Variants in MYO1H observed in about 807,000 individuals in gnomAD.
MYO1H encodes the protein myosin IH.
A neutral mutation model predicts 149.3 loss-of-function variants in MYO1H; 118 were observed. That is an observed-to-expected ratio of 0.79 (90% confidence interval 0.68 to 0.92). The LOEUF (loss-of-function observed/expected upper bound fraction) is 0.92, where lower values mean the gene tolerates loss of function less well. Ranked by LOEUF, MYO1H falls within the 40% of genes least tolerant of loss-of-function variation. The pLI is 0.00. For synonymous variants in MYO1H, 447 were observed against 465.2 expected, an observed-to-expected ratio of 0.96 and a Z score of 0.50; for missense variants, 1,212 against 1,280.7, an observed-to-expected ratio of 0.95 and a Z score of 0.82.
intron 5 of MYO1H, among the ~76,000 whole-genome samples, chr12:109,400,763 A>C (rs1309709049): frequency 6.6e-6 from 1 of 152,200 alleles, no homozygotes; most frequent in Non-Finnish European, 1.5e-5. Flanking sequence ...GGCACAGATC[A>C]ACTGGATATC....
chr12:109,317,654 CTG>C, the MYO1H span, among the ~76,000 whole-genome samples: 1 of 152,184 alleles, frequency 6.6e-6, no homozygotes, highest in African/African-American at 2.4e-5. Context: ...ACCTGAATGT[CTG>C]TGTCTGGCTG....
At chr12:109,368,430 C>T (rs1391189652) in intron 1 of MYO1H, among the ~76,000 whole-genome samples, 3 of 152,082 alleles carry the variant, frequency 2.0e-5, no homozygotes, top group East Asian at 3.9e-4. Flanking sequence ...CCGAGGCAGG[C>T]GGATCACCTG....
At chr12:109,410,807 G>T in intron 13 of MYO1H, 39 bp downstream of exon 13, 1 of 1,331,318 alleles carries the variant, frequency 7.5e-7, no homozygotes, top group East Asian at 2.4e-5. Flanking sequence ...TATTCACCCG[G>T]CACTTACAAC....
In MYO1H at chr12:109,443,240, A is replaced by G. The variant is rs576998228; in HGVS notation, c.2689-274A>G. On this transcript the variant is annotated intron_variant, in intron 27 of 31. Coordinates refer to ENST00000310903, the Ensembl canonical transcript of MYO1H. ...TATATGTGTGTGTATATGTGTACGT[A>G]TATGTGTGTGTATATGTGTACGTAT... Among the ~76,000 whole-genome samples, 383 of 65,930 alleles carry G rather than the reference A, an allele frequency of 5.8e-3. 24 individuals are homozygous for G. Among genetic ancestry groups the G allele is most frequent in the Non-Finnish European group, 8.3e-3 (265 of 31,770 alleles). 43.3% of individuals were successfully genotyped at this position (65,930 alleles called of 152,430 possible).
the MYO1H span, among the ~76,000 whole-genome samples, chr12:109,331,701 A>T: frequency 6.6e-6 from 1 of 152,312 alleles, no homozygotes; most frequent in Non-Finnish European, 1.5e-5. Context: ...ATGTGAGAAG[A>T]TGGATGGGGC....
the MYO1H span, among the ~76,000 whole-genome samples, chr12:109,322,821 A>G: frequency 2.4e-5 from 1 of 41,564 alleles, no homozygotes; most frequent in African/African-American, 1.9e-4. Flanking sequence ...CTCCGTCTCA[A>G]AAAAAAAAAA....
chr12:109,316,656 T>A, the MYO1H span, among the ~76,000 whole-genome samples: 1 of 152,210 alleles, frequency 6.6e-6, no homozygotes, highest in Non-Finnish European at 1.5e-5. Flanking sequence ...CCCAGCCTTT[T>A]GGAGCATACA....
At chr12:109,345,177 T>A (rs2048098851), upstream of MYO1H, among the ~76,000 whole-genome samples, 1 of 152,160 alleles carries the variant, frequency 6.6e-6, no homozygotes, top group South Asian at 2.1e-4. Flanking sequence ...ACCTACAGAA[T>A]GAGAAAATAT....
intron 23 of MYO1H, 70 bp downstream of exon 23, chr12:109,438,690 G>A: frequency 3.5e-6 from 4 of 1,145,310 alleles, no homozygotes; most frequent in Non-Finnish European, 5.1e-6. Flanking sequence ...GGTCATGGAG[G>A]TAGATGAGTT....
Position 109,445,320 on chromosome 12 carries a change from A to G in MYO1H, c.2994-193A>G. ...GTGCTCATTTGATCTCATGGTAACT[A>G]CAGAAACATGTAAGTTGCCCAGCTG... On this transcript the variant is annotated intron_variant, in intron 30 of 31. Transcript: ENST00000310903. The G allele has an allele frequency of 1.1e-5, 6 of 542,134 alleles. No individual in the cohort carries two copies. The South Asian group carries it at 1.5e-4, about 13-fold the overall frequency. The allele number at this position is 542,134 out of a possible 1,614,324, so 33.6% of individuals were successfully genotyped here. A position where few individuals can be genotyped will look rare whatever the true frequency, so the allele number is the denominator to read the frequency against.
chr12:109,432,884 T>C lies in MYO1H; in HGVS notation c.1950-13T>C. ...TACGGTCACAGCTTCTCCATGTCCA[T>C]CTCCTCTCCTAGGTACAAGTCCTTA... On this transcript the variant is annotated splice_polypyrimidine_tract_variant and intron_variant, in intron 19 of 31. Transcript: ENST00000310903. 1 of 1,610,600 alleles carries C rather than the reference T, an allele frequency of 6.2e-7. No individual in the cohort carries two copies. Among genetic ancestry groups the C allele is most frequent in the Non-Finnish European group, 8.5e-7 (1 of 1,176,910 alleles).
At chr12:109,385,015 C>T (rs1869273882) in intron 1 of MYO1H, among the ~76,000 whole-genome samples, 1 of 152,202 alleles carries the variant, frequency 6.6e-6, no homozygotes, top group Non-Finnish European at 1.5e-5. Context: ...AAAGCAAGCA[C>T]TCACTAAATT....
intron 1 of MYO1H, among the ~76,000 whole-genome samples, chr12:109,355,874 A>ATT (rs36092499): frequency 0.44 from 64,581 of 147,312 alleles, 14,464 homozygotes; most frequent in African/African-American, 0.53. Context: ...CGCCCAGCAA[A>ATT]TTTTTTTTTT....
chr12:109,401,529 G>A (rs900259747), intron 6 of MYO1H: 4 of 370,152 alleles, frequency 1.1e-5, no homozygotes, highest in Non-Finnish European at 2.0e-5. Context: ...CACCTGAAGA[G>A]CCCTTTAAAA....
chr12:109,442,235 C>G, exon 27 of MYO1H: 1 of 1,613,740 alleles, frequency 6.2e-7, no homozygotes. Flanking sequence ...GACATTAATC[C>G]GAAAGTGCTT....
At chr12:109,355,874 A>ATTTT (rs36092499) in intron 1 of MYO1H, among the ~76,000 whole-genome samples, 115 of 147,594 alleles carry the variant, frequency 7.8e-4, no homozygotes, top group African/African-American at 2.8e-3. Flanking sequence ...CGCCCAGCAA[A>ATTTT]TTTTTTTTTT....
chr12:109,315,952 G>C, the MYO1H span, among the ~76,000 whole-genome samples: 1 of 152,202 alleles, frequency 6.6e-6, no homozygotes, highest in Non-Finnish European at 1.5e-5. Flanking sequence ...TCCTGATGAT[G>C]CTGTGAGGTG....
chr12:109,424,950 A>T (rs1871303120), intron 17 of MYO1H, 122 bp downstream of exon 17: 2 of 721,836 alleles, frequency 2.8e-6, no homozygotes, highest in South Asian at 3.3e-5. Context: ...AACAGATTCT[A>T]CTAAATATAT....
chr12:109,359,778 C>T (rs548954323), intron 1 of MYO1H, among the ~76,000 whole-genome samples: 1 of 152,346 alleles, frequency 6.6e-6, no homozygotes, highest in Non-Finnish European at 1.5e-5. Flanking sequence ...GGACCTGTTT[C>T]AATGGATTAT....
Sources: allele counts gnomAD v4.1 joint callset (sites outside exome capture counted in the v4.1 genomes callset), GRCh38; gene constraint gnomAD v4.1.1; transcripts MANE v1.5; gene names NCBI Gene and HGNC (gene_info 2026-07-23, HGNC 2026-07-21).